UGT1A7: variants seen among roughly 807,000 people sequenced by gnomAD.
The protein encoded by UGT1A7 is UDP-glucuronosyltransferase 1A7.
Under a neutral mutation model 45.6 loss-of-function variants are expected in UGT1A7, and 33 were observed. The observed-to-expected ratio is 0.72, with a 90% CI of 0.55 to 0.97. The LOEUF (loss-of-function observed/expected upper bound fraction) is 0.97, where lower values mean the gene tolerates loss of function less well. Among genes scored for constraint, UGT1A7 ranks in the 50% least tolerant of loss-of-function variants. The pLI is 0.00. For missense variants in UGT1A7, 684 were observed against 666.2 expected (o/e 1.03, Z -0.29); for synonymous variants, 274 against 250.6 (o/e 1.09, Z -0.88).
At chr2:233,704,889 T>G (rs2075811828) in intron 1 of UGT1A7, among the ~76,000 whole-genome samples, 1 of 152,064 alleles carries the variant, frequency 6.6e-6, no homozygotes, top group South Asian at 2.1e-4. Flanking sequence ...ATCCCAGCAC[T>G]TTGGAAGGCT....
At chr2:233,770,026 C>T (rs371960443) in intron 4 of UGT1A7, 2 of 158,948 alleles carry the variant, frequency 1.3e-5, no homozygotes, top group South Asian at 1.9e-4. Flanking sequence ...TTTCCCTGCA[C>T]TGTTGAAGCT....
At chr2:233,706,618 G>A (rs2075916181) in intron 1 of UGT1A7, among the ~76,000 whole-genome samples, 1 of 152,146 alleles carries the variant, frequency 6.6e-6, no homozygotes, top group East Asian at 1.9e-4. Context: ...GAAGACTAGA[G>A]AAATGAGTGT....
At position 233,773,098 on chromosome 2, in the gene UGT1A7, G is replaced by T; in HGVS notation, c.*539G>T. 6.4e-6 allele frequency: 1 copy of T among 156,852 alleles called. No homozygotes were observed. The highest frequency in any genetic ancestry group is 6.1e-5 in the Admixed American group (1 of 16,412). 9.7% of individuals were successfully genotyped at this position (156,852 alleles called of 1,614,324 possible). ...AATGGCTTGGAGTGCACTGAGAACA[G>T]CATATGATTTCTTGCTTTGGGGAAA... On this transcript the variant is annotated 3_prime_UTR_variant, in exon 5 of 5. Coordinates refer to ENST00000373426, the MANE Select transcript of UGT1A7 (RefSeq NM_019077.3).
At chr2:233,724,293 C>G (rs1226718888) in intron 1 of UGT1A7, among the ~76,000 whole-genome samples, 3 of 135,034 alleles carry the variant, frequency 2.2e-5, no homozygotes, top group South Asian at 2.6e-4. Flanking sequence ...GGGGGCTGAC[C>G]CCCCCACCTC....
chr2:233,712,538 G>A (rs752556206), intron 1 of UGT1A7, among the ~76,000 whole-genome samples: 4 of 152,164 alleles, frequency 2.6e-5, no homozygotes, highest in Non-Finnish European at 5.9e-5. Flanking sequence ...ACCCATATGT[G>A]GGAAGAAAGA....
At chr2:233,696,856 TG>T (rs2075362224) in intron 1 of UGT1A7, among the ~76,000 whole-genome samples, 2 of 152,228 alleles carry the variant, frequency 1.3e-5, no homozygotes, top group Admixed American at 1.3e-4. Flanking sequence ...TTTTGTTGAA[TG>T]TTTTTTCAGC....
intron 1 of UGT1A7, chr2:233,693,086 A>G (rs571652417): frequency 6.2e-7 from 1 of 1,614,176 alleles, no homozygotes; most frequent in South Asian, 1.1e-5. Flanking sequence ...TGTAGGTGAC[A>G]AGCTGCTGGT....
At chr2:233,748,877 GAAT>G (rs1390549231) in intron 1 of UGT1A7, among the ~76,000 whole-genome samples, 4 of 151,560 alleles carry the variant, frequency 2.6e-5, no homozygotes, top group Non-Finnish European at 4.4e-5. Flanking sequence ...GGACGGTGAT[GAAT>G]GGACATGTGT....
Position 233,734,907 on chromosome 2 carries a change from A to G in UGT1A7, c.856-32127A>G, listed in dbSNP as rs551401777. Among the ~76,000 whole-genome samples, 233 of 152,140 alleles carry G rather than the reference A, an allele frequency of 1.5e-3. 2 individuals carry two copies. The highest frequency in any genetic ancestry group is 5.2e-3 in the African/African-American group (218 of 41,544). On this transcript the variant is annotated intron_variant, in intron 1 of 4. Coordinates refer to ENST00000373426, the MANE Select transcript of UGT1A7 (RefSeq NM_019077.3). The stretch of plus-strand genomic sequence containing the variant: ...TTTGTTGTGATTTCTATTCTTTTAC[A>G]TTTGCTAAGGAGTGCTTTACTTACA...
chr2:233,751,263 C>A (rs1694683349), intron 1 of UGT1A7, among the ~76,000 whole-genome samples: 1 of 151,922 alleles, frequency 6.6e-6, no homozygotes, highest in African/African-American at 2.4e-5. Context: ...CCTGTAGCCC[C>A]CTTTTTTTGG....
rs2076338429 is a variant in UGT1A7 at position 233,713,673 on chromosome 2, T to C, written c.855+30881T>C. The C allele has an allele frequency of 1.4e-5, 22 of 1,613,890 alleles. No individual in the cohort carries two copies. The East Asian group carries it at 4.9e-4, about 36-fold the overall frequency. On this transcript the variant is annotated intron_variant, in intron 1 of 4. Transcript: ENST00000373426. Reference sequence around the variant, plus strand: ...CCTGTCCTACCTTTGCCATGCTGTTTCTGCTCCTTATGCAAGCCTTGCCTC... The same window carrying C: ...CCTGTCCTACCTTTGCCATGCTGTTCCTGCTCCTTATGCAAGCCTTGCCTC...
intron 1 of UGT1A7, among the ~76,000 whole-genome samples, chr2:233,738,304 T>C (rs762666670): frequency 6.6e-6 from 1 of 152,228 alleles, no homozygotes; most frequent in Non-Finnish European, 1.5e-5. Flanking sequence ...GGTATGTCTT[T>C]ATAGCAGTGT....
At chr2:233,690,606 C>T (rs1439647721) in intron 1 of UGT1A7, 1 of 1,289,342 alleles carries the variant, frequency 7.8e-7, no homozygotes, top group Non-Finnish European at 1.0e-6. Flanking sequence ...AAAAATCGGC[C>T]TTTGCCTGGA....
At chr2:233,692,353 G>A (rs13015720) in intron 1 of UGT1A7, 60,428 of 154,122 alleles carry the variant, frequency 0.39, 12,046 homozygotes, top group South Asian at 0.45. Flanking sequence ...CTTCAGTTCT[G>A]TGAGCCATTC....
At chr2:233,756,610 A>C (rs946399513) in intron 1 of UGT1A7, among the ~76,000 whole-genome samples, 3 of 152,216 alleles carry the variant, frequency 2.0e-5, no homozygotes, top group African/African-American at 7.2e-5. Context: ...GAAACCATTA[A>C]GACTTGCAGG....
intron 1 of UGT1A7, among the ~76,000 whole-genome samples, chr2:233,716,295 T>C (rs1461759627): frequency 1.3e-5 from 2 of 152,216 alleles, no homozygotes; most frequent in Non-Finnish European, 2.9e-5. Flanking sequence ...ATCACATCTA[T>C]AAAGTCTCTT....
At position 233,690,776 on chromosome 2, in the gene UGT1A7, TACACACACACACACAC is replaced by T. The variant is rs34459843; in HGVS notation, c.855+7993_855+8008del. The stretch of plus-strand genomic sequence containing the variant: ...GTGCAGACATACACACACACACACA[TACACACACACACACAC>T]ACACACACCATTCTTAGTACAGTCA... On this transcript the variant is annotated intron_variant, in intron 1 of 4. Transcript: ENST00000373426. 15 of 1,063,430 alleles carry T rather than the reference TACACACACACACACAC, an allele frequency of 1.4e-5. No homozygotes were observed. The East Asian group carries it at 1.0e-3, about 71-fold the overall frequency. 65.9% of individuals were successfully genotyped at this position (1,063,430 alleles called of 1,614,324 possible). A position where few individuals can be genotyped will look rare whatever the true frequency, so the allele number is the denominator to read the frequency against.
chr2:233,772,238 T>C (rs765306920), intron 4 of UGT1A7, 24 bp from the exon 5 acceptor site: 1 of 1,613,980 alleles, frequency 6.2e-7, no homozygotes, highest in African/African-American at 1.3e-5. Context: ...GTTCCAGGCA[T>C]AACGAAACTG....
chr2:233,717,741 G>A (rs1450778461), intron 1 of UGT1A7: 3 of 456,402 alleles, frequency 6.6e-6, no homozygotes, highest in African/African-American at 6.0e-5. Flanking sequence ...TGAGTGCTCA[G>A]GGTCTCCCCC....
Sources: allele counts gnomAD v4.1 joint callset (sites outside exome capture counted in the v4.1 genomes callset), GRCh38; gene constraint gnomAD v4.1.1; transcripts MANE v1.5; gene names NCBI Gene and HGNC (gene_info 2026-07-23, HGNC 2026-07-21).